The following FSTL5 variants were observed in gnomAD, a reference collection of about 807,000 sequenced individuals.
FSTL5 encodes follistatin like 5.
A neutral mutation model predicts 89.1 loss-of-function variants in FSTL5; 62 were observed. That is an observed-to-expected ratio of 0.70 (90% CI 0.57 to 0.86). The LOEUF (loss-of-function observed/expected upper bound fraction) is 0.86. FSTL5 is among the 40% of genes least tolerant of loss of function. The pLI is 0.00. For synonymous variants in FSTL5, 383 were observed against 346.2 expected, an observed-to-expected ratio of 1.11 and a Z score of -1.18; for missense variants, 1,057 against 1,001.6, an observed-to-expected ratio of 1.06 and a Z score of -0.75.
chr4:161,522,551 A>C (rs945956161), intron 10 of FSTL5, among the ~76,000 whole-genome samples: 1 of 151,436 alleles, frequency 6.6e-6, no homozygotes, highest in African/African-American at 2.4e-5. Flanking sequence ...TAACTAATAA[A>C]ATACATATTA....
chr4:161,413,195 A>G (rs1731653052), intron 15 of FSTL5, among the ~76,000 whole-genome samples: 1 of 150,146 alleles, frequency 6.7e-6, no homozygotes, highest in Admixed American at 6.7e-5. Flanking sequence ...ATCTATAGGG[A>G]ACTTAAATCA....
At chr4:162,039,344 C>T (rs1255947907) in intron 2 of FSTL5, among the ~76,000 whole-genome samples, 6 of 151,540 alleles carry the variant, frequency 4.0e-5, no homozygotes, top group African/African-American at 2.4e-5. Context: ...GACTTGTTTG[C>T]ATTTGGTCAC....
At chr4:162,114,347 T>A (rs185190657) in intron 1 of FSTL5, among the ~76,000 whole-genome samples, 1 of 152,256 alleles carries the variant, frequency 6.6e-6, no homozygotes, top group African/African-American at 2.4e-5. Context: ...TCTGAATACA[T>A]CTGCTGCTTC....
chr4:162,152,619 G>A (rs7656718), intron 1 of FSTL5, among the ~76,000 whole-genome samples: 115,989 of 151,984 alleles, frequency 0.76, 44,588 homozygotes, highest in Non-Finnish European at 0.81. Flanking sequence ...AGTGTTGTAA[G>A]CATTTCTCTT....
intron 3 of FSTL5, among the ~76,000 whole-genome samples, chr4:161,940,511 CAGAG>C (rs915491322): frequency 6.6e-6 from 1 of 151,114 alleles, no homozygotes; most frequent in African/African-American, 2.4e-5. Flanking sequence ...ATCCTGAAAA[CAGAG>C]AGAAACAACT....
rs189008872 is a variant in FSTL5, at chr4:161,390,769, G to T, written c.1842-4320C>A. Among the ~76,000 whole-genome samples the T allele has an allele frequency of 3.9e-4, 59 of 151,914 alleles. No individual in the cohort carries two copies. In the East Asian group the frequency reaches 7.0e-3, roughly 18 times the overall value. ...GTAAGTATAGAACTCTGGAAGATTTGCAGAATAACAATTATTCTATCTCCT... is the reference window on the plus strand; with the variant it reads ...GTAAGTATAGAACTCTGGAAGATTTTCAGAATAACAATTATTCTATCTCCT... On this transcript the variant is annotated intron_variant, in intron 15 of 15. Transcript: ENST00000306100.
chr4:161,994,775 TATTAG>T (rs1407308696), intron 3 of FSTL5, among the ~76,000 whole-genome samples: 1 of 152,222 alleles, frequency 6.6e-6, no homozygotes, highest in Non-Finnish European at 1.5e-5. Context: ...ACAAGCTGGA[TATTAG>T]ACCTTTGTCA....
Position 161,853,680 on chromosome 4 carries a change from T to C in FSTL5, c.409+66724A>G, listed in dbSNP as rs75619186. On this transcript the variant is annotated intron_variant, in intron 4 of 15. Coordinates refer to ENST00000306100, the MANE Select transcript of FSTL5 (RefSeq NM_020116.5). ...GAATTTTCACACTATAATAGTTTGA[T>C]ATTATTGGCATAACCAAGAGAAAAA... Among the ~76,000 whole-genome samples, 37 of 152,328 alleles carry C rather than the reference T, an allele frequency of 2.4e-4. 1 individual carries two copies. The East Asian group carries it at 6.4e-3, about 26-fold the overall frequency.
At chr4:162,008,019 G>T (rs1230075284) in intron 3 of FSTL5, among the ~76,000 whole-genome samples, 4 of 151,680 alleles carry the variant, frequency 2.6e-5, no homozygotes, top group Non-Finnish European at 5.9e-5. Flanking sequence ...TCTATTTATT[G>T]ATATGGTATA....
chr4:161,919,634 T>C lies in FSTL5; in HGVS notation c.409+770A>G, dbSNP rs146071513. ...CAAAGGTTAGAAGTCAGATTAATTA[T>C]TGATGGAAGTTCTACACATTTAACT... On this transcript the variant is annotated intron_variant, in intron 4 of 15. Coordinates refer to ENST00000306100, the MANE Select transcript of FSTL5 (RefSeq NM_020116.5). 6.0e-4 allele frequency among the ~76,000 whole-genome samples: 92 copies of C among 152,224 alleles called. 1 individual carries two copies. The East Asian group carries it at 0.015, about 25-fold the overall frequency.
chr4:162,020,538 G>A (rs1737044593), intron 3 of FSTL5, among the ~76,000 whole-genome samples: 1 of 152,004 alleles, frequency 6.6e-6, no homozygotes, highest in African/African-American at 2.4e-5. Context: ...CTCAATAGAT[G>A]GGGACTATTG....
rs146247881 is a variant in FSTL5 at position 161,783,732 on chromosome 4, TTTTCTTTC to T, written c.410-7666_410-7659del. ...CTTTCTTTCTTTCTTTCTTCTTTTCTTTTCTTTCTTTCTTTCTTTCTTTCTTTCCTTCT... is the reference window on the plus strand; with the variant it reads ...CTTTCTTTCTTTCTTTCTTCTTTTCTTTTCTTTCTTTCTTTCTTTCCTTCT... On this transcript the variant is annotated intron_variant, in intron 4 of 15. Transcript: ENST00000306100. Among the ~76,000 whole-genome samples the T allele has an allele frequency of 4.8e-4, 7 of 14,550 alleles. 1 individual carries two copies. Among genetic ancestry groups the T allele is most frequent in the Admixed American group, 2.6e-3 (2 of 782 alleles). 9.5% of individuals were successfully genotyped at this position (14,550 alleles called of 152,430 possible).
rs899536161 is a variant in FSTL5 at position 161,797,402 on chromosome 4, C to T, written c.410-21328G>A. The stretch of plus-strand genomic sequence containing the variant: ...ACAGTAAATTAGGAACTGTAACATT[C>T]TGAAAACCACTTATTGATATTCAGT... On this transcript the variant is annotated intron_variant, in intron 4 of 15. Transcript: ENST00000306100. 2.0e-5 allele frequency among the ~76,000 whole-genome samples: 3 copies of T among 151,582 alleles called. No homozygotes were observed. In the South Asian group the frequency reaches 6.2e-4, roughly 31 times the overall value.
intron 12 of FSTL5, among the ~76,000 whole-genome samples, chr4:161,487,744 G>A (rs1729729214): frequency 6.6e-6 from 1 of 151,932 alleles, no homozygotes; most frequent in African/African-American, 2.4e-5. Context: ...GTCACAATCT[G>A]AGTCTATTGC....
At chr4:161,982,714 T>G (rs1379094479) in intron 3 of FSTL5, among the ~76,000 whole-genome samples, 4 of 152,218 alleles carry the variant, frequency 2.6e-5, no homozygotes, top group Non-Finnish European at 5.9e-5. Context: ...ACAGCAATTA[T>G]GTCCTTTTGA....
chr4:161,632,359 G>A (rs570966949), intron 7 of FSTL5, among the ~76,000 whole-genome samples: 2 of 152,194 alleles, frequency 1.3e-5, no homozygotes, highest in South Asian at 2.1e-4. Flanking sequence ...GAGCCCTGGC[G>A]ACAGACTGAG....
At chr4:161,538,401 T>A in intron 9 of FSTL5, 101 bp from the exon 10 acceptor site, 1 of 1,298,772 alleles carries the variant, frequency 7.7e-7, no homozygotes, top group Non-Finnish European at 1.1e-6. Context: ...TTGTCCTAAT[T>A]AAACTGTTTC....
chr4:161,400,449 C>CAT, intron 15 of FSTL5, among the ~76,000 whole-genome samples: 1 of 151,966 alleles, frequency 6.6e-6, no homozygotes, highest in East Asian at 1.9e-4. Flanking sequence ...GTACTTGATG[C>CAT]TTCAGTAAAA....
chr4:161,409,762 C>T (rs1241472598), intron 15 of FSTL5, among the ~76,000 whole-genome samples: 1 of 152,134 alleles, frequency 6.6e-6, no homozygotes, highest in Admixed American at 6.6e-5. Context: ...AAACCTGCTA[C>T]CACAAAAGCA....
Sources: gnomAD v4.1 joint callset for allele counts (sites outside exome capture counted in the v4.1 genomes callset) on GRCh38, gnomAD v4.1.1 for gene constraint, MANE v1.5 for transcripts, NCBI Gene and HGNC (gene_info 2026-07-23, HGNC 2026-07-21) for gene names.